CLEC16A: variants seen among roughly 807,000 people sequenced by gnomAD.
The protein encoded by CLEC16A is C-type lectin domain containing 16A.
CLEC16A carries 51 observed loss-of-function variants against 109.5 expected under a neutral mutation model. That is an observed-to-expected ratio of 0.47 (90% CI 0.37 to 0.59). CLEC16A has a LOEUF of 0.59. Among genes scored for constraint, CLEC16A ranks in the 20% least tolerant of loss-of-function variants. The pLI, the probability that CLEC16A is intolerant of heterozygous loss-of-function variation, is 0.00. For synonymous variants in CLEC16A, 673 were observed against 564.2 expected (o/e 1.19, Z -2.73); for missense variants, 1,339 against 1,394.0 (o/e 0.96, Z 0.63).
chr16:10,960,103 G>C (rs933140110), intron 2 of CLEC16A, among the ~76,000 whole-genome samples: 3 of 152,206 alleles, frequency 2.0e-5, no homozygotes, highest in Admixed American at 1.3e-4. Flanking sequence ...TTCGAAGATA[G>C]TATAGAATGT....
intron 10 of CLEC16A, among the ~76,000 whole-genome samples, chr16:10,987,275 A>T (rs2043728616): frequency 6.6e-6 from 1 of 152,140 alleles, no homozygotes; most frequent in Non-Finnish European, 1.5e-5. Context: ...ACATCTTGCA[A>T]AACTCTAGTA....
At chr16:11,133,353 A>G (rs28447641) in intron 22 of CLEC16A, among the ~76,000 whole-genome samples, 1 of 149,098 alleles carries the variant, frequency 6.7e-6, no homozygotes, top group Admixed American at 6.7e-5. Flanking sequence ...AAAAAAAAAA[A>G]TTTTTTTTTT....
At position 10,954,458 on chromosome 16, in the gene CLEC16A, A is replaced by G. The variant is rs1031215907; in HGVS notation, c.81-3324A>G. Among the ~76,000 whole-genome samples the G allele has an allele frequency of 1.4e-4, 21 of 152,216 alleles. No homozygotes were observed. Among genetic ancestry groups the G allele is most frequent in the African/African-American group, 4.6e-4 (19 of 41,452 alleles). On this transcript the variant is annotated intron_variant, in intron 1 of 23. Coordinates refer to ENST00000409790, the MANE Select transcript of CLEC16A (RefSeq NM_015226.3). This position sits in a 1 kb window ranked among gnomAD's most constrained non-coding sequence, Gnocchi z 4.2. ...ATTATTTAATAAGGGCAACAATAAC[A>G]ATAGCTAGCACTTGTATCATACATA...
At chr16:10,973,993 G>C (rs2042923260) in intron 7 of CLEC16A, among the ~76,000 whole-genome samples, 1 of 142,640 alleles carries the variant, frequency 7.0e-6, no homozygotes, top group African/African-American at 2.7e-5. Context: ...CTGCCTCCTG[G>C]ATTCAAGTGA....
intron 10 of CLEC16A, among the ~76,000 whole-genome samples, chr16:10,989,377 T>C (rs925484362): frequency 9.9e-5 from 15 of 152,184 alleles, no homozygotes; most frequent in African/African-American, 3.6e-4. Context: ...CATGCCACCA[T>C]GCCCAGATAA....
chr16:11,047,185 T>G, intron 16 of CLEC16A, 107 bp from the exon 17 acceptor site: 45 of 749,508 alleles, frequency 6.0e-5, no homozygotes, highest in Non-Finnish European at 8.0e-5. Flanking sequence ...AACTCACTAA[T>G]GAGAAACAGA....
chr16:11,159,303 T>C (rs2054637799), intron 22 of CLEC16A, among the ~76,000 whole-genome samples: 1 of 152,220 alleles, frequency 6.6e-6, no homozygotes, highest in African/African-American at 2.4e-5. Context: ...GAGAATGGTT[T>C]CTCAGTGTGC....
intron 11 of CLEC16A, among the ~76,000 whole-genome samples, chr16:11,017,816 C>T (rs2045848900): frequency 1.3e-5 from 2 of 152,050 alleles, no homozygotes; most frequent in Admixed American, 1.3e-4. Context: ...ACCAGTACTC[C>T]TCAAAATGTC....
intron 11 of CLEC16A, among the ~76,000 whole-genome samples, chr16:11,008,837 A>C (rs1567188740): frequency 6.7e-6 from 1 of 150,324 alleles, no homozygotes; most frequent in Admixed American, 6.6e-5. Flanking sequence ...AAAAAAAAAA[A>C]AAAAAAAAAA....
At chr16:11,103,800 AG>A (rs1350769447) in intron 19 of CLEC16A, among the ~76,000 whole-genome samples, 2 of 152,142 alleles carry the variant, frequency 1.3e-5, no homozygotes, top group Non-Finnish European at 2.9e-5. Context: ...AGCAGAGTCC[AG>A]CACCCCCAGA....
At chr16:11,106,630 G>A (rs11647867) in intron 19 of CLEC16A, among the ~76,000 whole-genome samples, 14,314 of 151,616 alleles carry the variant, frequency 0.094, 693 homozygotes, top group East Asian at 0.12. Context: ...GACTATAGTT[G>A]CATGCCACCA....
intron 18 of CLEC16A, among the ~76,000 whole-genome samples, chr16:11,054,002 C>A (rs2048081973): frequency 6.6e-6 from 1 of 152,240 alleles, no homozygotes; most frequent in African/African-American, 2.4e-5. Context: ...GGAAGTGGGA[C>A]AGGCATCAGA....
At chr16:11,020,444 C>T (rs184454129) in intron 12 of CLEC16A, 119 bp downstream of exon 12, 3 of 1,256,140 alleles carry the variant, frequency 2.4e-6, no homozygotes, top group South Asian at 3.4e-5. Flanking sequence ...ATGCTGCCTC[C>T]CTTTCTTTCC....
intron 16 of CLEC16A, among the ~76,000 whole-genome samples, chr16:11,046,466 T>C (rs980617635): frequency 1.3e-5 from 2 of 152,014 alleles, no homozygotes; most frequent in Non-Finnish European, 2.9e-5. Context: ...CCACCCCAAG[T>C]GTGGGGTGTG....
chr16:11,006,862 G>C (rs2045052396), intron 11 of CLEC16A, among the ~76,000 whole-genome samples: 2 of 146,980 alleles, frequency 1.4e-5, no homozygotes, highest in Non-Finnish European at 3.0e-5. Flanking sequence ...CTCTGCCTCA[G>C]GTCCCAAGTA....
At chr16:11,019,632 G>C (rs1186807244) in intron 11 of CLEC16A, among the ~76,000 whole-genome samples, 4 of 152,174 alleles carry the variant, frequency 2.6e-5, no homozygotes, top group African/African-American at 4.8e-5. Context: ...AGCTGGGTGT[G>C]GTGGCAAGCG....
intron 22 of CLEC16A, among the ~76,000 whole-genome samples, chr16:11,163,424 T>C (rs78741277): frequency 5.6e-4 from 86 of 152,252 alleles, no homozygotes; most frequent in Non-Finnish European, 1.1e-3. Context: ...GAGGGAGAGA[T>C]GTGTTCAGTA....
intron 22 of CLEC16A, among the ~76,000 whole-genome samples, chr16:11,150,920 G>A (rs183649303): frequency 6.6e-5 from 10 of 152,156 alleles, no homozygotes; most frequent in South Asian, 6.2e-4. Flanking sequence ...TCATCTTCAC[G>A]TGATGTTCTA....
At chr16:11,153,312 G>A (rs111878657) in intron 22 of CLEC16A, among the ~76,000 whole-genome samples, 2,407 of 152,016 alleles carry the variant, frequency 0.016, 56 homozygotes, top group African/African-American at 0.054. Context: ...ACTCCTTCTC[G>A]TTTTCTGTTG....
Sources: allele counts gnomAD v4.1 joint callset (sites outside exome capture counted in the v4.1 genomes callset), GRCh38; gene constraint gnomAD v4.1.1; non-coding constraint Gnocchi (gnomAD v3.1); transcripts MANE v1.5; gene names NCBI Gene and HGNC (gene_info 2026-07-23, HGNC 2026-07-21).